KLHDC10: variants seen among roughly 807,000 people sequenced by gnomAD.
The protein encoded by KLHDC10 is kelch domain-containing protein 10.
A neutral mutation model predicts 56.1 loss-of-function variants in KLHDC10; 24 were observed. The observed-to-expected ratio is 0.43, with a 90% CI of 0.31 to 0.60. The LOEUF (loss-of-function observed/expected upper bound fraction) is 0.60, where lower values mean the gene tolerates loss of function less well. Among genes scored for constraint, KLHDC10 ranks in the 20% least tolerant of loss-of-function variants. The probability of loss-of-function intolerance (pLI) is 0.11; values close to 1 mark genes in which losing one functional copy is unlikely to be tolerated. For synonymous variants in KLHDC10, 188 were observed against 207.1 expected (o/e 0.91, Z 0.79); for missense variants, 349 against 567.0 (o/e 0.62, Z 3.91).
intron 1 of KLHDC10, among the ~76,000 whole-genome samples, chr7:130,073,260 G>A (rs1795447186): frequency 6.7e-6 from 1 of 149,774 alleles, no homozygotes; most frequent in African/African-American, 2.5e-5. Context: ...ATAGCTCACT[G>A]TCTCTCTCTT....
intron 1 of KLHDC10, among the ~76,000 whole-genome samples, chr7:130,073,355 G>A (rs1225416850): frequency 6.7e-6 from 1 of 148,612 alleles, no homozygotes; most frequent in African/African-American, 2.5e-5. Context: ...GAGTGCAGTG[G>A]CACAGTCTTG....
intron 2 of KLHDC10, among the ~76,000 whole-genome samples, chr7:130,101,981 A>G (rs1003923549): frequency 6.6e-6 from 1 of 150,508 alleles, no homozygotes; most frequent in African/African-American, 2.4e-5. Context: ...AAAAAAAAAA[A>G]AAAAAAAAAA....
At chr7:130,075,107 T>C (rs1465369982) in intron 1 of KLHDC10, among the ~76,000 whole-genome samples, 1 of 152,218 alleles carries the variant, frequency 6.6e-6, no homozygotes, top group Non-Finnish European at 1.5e-5. Flanking sequence ...TCATAATTTC[T>C]ATACACCCAG....
At chr7:130,076,697 A>G (rs1444539355) in intron 1 of KLHDC10, among the ~76,000 whole-genome samples, 1 of 152,224 alleles carries the variant, frequency 6.6e-6, no homozygotes, top group Non-Finnish European at 1.5e-5. Flanking sequence ...CAGTTATGGC[A>G]GTGTCCTTCA....
At chr7:130,119,386 C>T (rs1038166515) in intron 3 of KLHDC10, among the ~76,000 whole-genome samples, 2 of 151,826 alleles carry the variant, frequency 1.3e-5, no homozygotes, top group Non-Finnish European at 2.9e-5. Flanking sequence ...GTGGCACACA[C>T]CTGTAGTCCC....
At chr7:130,104,537 A>G (rs1795982650) in intron 2 of KLHDC10, among the ~76,000 whole-genome samples, 1 of 152,230 alleles carries the variant, frequency 6.6e-6, no homozygotes, top group African/African-American at 2.4e-5. Context: ...TAAGAGGCTT[A>G]AGCAGGTGTT....
Position 130,126,168 on chromosome 7 carries a change from A to C in KLHDC10, c.931+237A>C, listed in dbSNP as rs118071208. On this transcript the variant is annotated intron_variant, in intron 7 of 9. Transcript: ENST00000335420. ...CTGTGTCTACAAAAAATACAAAAAA[A>C]TTTGCTGGGCCTGGTGGTGTACACC... 6.1e-3 allele frequency among the ~76,000 whole-genome samples: 932 copies of C among 152,076 alleles called. 4 individuals carry two copies. Among genetic ancestry groups the C allele is most frequent in the Middle Eastern group, 0.024 (7 of 294 alleles).
chr7:130,113,524 G>A (rs1337761378), intron 2 of KLHDC10, among the ~76,000 whole-genome samples: 1 of 152,016 alleles, frequency 6.6e-6, no homozygotes, highest in Non-Finnish European at 1.5e-5. Context: ...GTAGAGACGG[G>A]GTTTCACCAT....
chr7:130,071,525 A>G (rs535240790), intron 1 of KLHDC10, among the ~76,000 whole-genome samples: 21 of 152,372 alleles, frequency 1.4e-4, no homozygotes, highest in Admixed American at 1.2e-3. Context: ...TTTGGTCTAC[A>G]GTGCCCTAGC....
At chr7:130,127,500 C>A (rs1210940752) in intron 8 of KLHDC10, 49 bp downstream of exon 8, 4 of 1,287,422 alleles carry the variant, frequency 3.1e-6, no homozygotes, top group African/African-American at 1.5e-5. Flanking sequence ...ATTGTATCTT[C>A]TGAAAATGTC....
In KLHDC10 at chr7:130,116,186, T is replaced by C. The variant is rs1796165217; in HGVS notation, c.254-259T>C. ...AGCCATTTTCTTGAATTTGTCATGC[T>C]TTTTACAGTTATCAAAATCTGAAGG... On this transcript the variant is annotated intron_variant, in intron 2 of 9. Coordinates refer to ENST00000335420, the MANE Select transcript of KLHDC10 (RefSeq NM_014997.4). This position sits in a 1 kb window ranked among gnomAD's most constrained non-coding sequence, Gnocchi z 4.8. Among the ~76,000 whole-genome samples, 1 of 152,206 alleles carries C rather than the reference T, an allele frequency of 6.6e-6. No individual in the cohort carries two copies. The highest frequency in any genetic ancestry group is 2.1e-4 in the South Asian group (1 of 4,830).
chr7:130,097,035 G>T (rs1027004235), intron 2 of KLHDC10, 28 bp downstream of exon 2: 1 of 1,504,322 alleles, frequency 6.6e-7, no homozygotes, highest in Non-Finnish European at 9.2e-7. Flanking sequence ...AGAGATCTGT[G>T]CTTCGTATGG....
chr7:130,085,434 A>G lies in KLHDC10; in HGVS notation c.167-11487A>G, dbSNP rs116973844. The stretch of plus-strand genomic sequence containing the variant: ...AGAAGCAAGCAAAGGTCAGTGAGGT[A>G]GGAGGAAGACCAAGACTGCTTGGTT... On this transcript the variant is annotated intron_variant, in intron 1 of 9. Transcript: ENST00000335420. Among the ~76,000 whole-genome samples, 133 of 152,176 alleles carry G rather than the reference A, an allele frequency of 8.7e-4. 3 individuals are homozygous for G. The East Asian group carries it at 0.015, about 17-fold the overall frequency.
intron 8 of KLHDC10, among the ~76,000 whole-genome samples, chr7:130,128,889 A>AAAT: frequency 0.014 from 946 of 66,856 alleles, 28 homozygotes; most frequent in East Asian, 0.039. Flanking sequence ...AAAAAAAAAA[A>AAAT]ATATATATAT....
intron 1 of KLHDC10, among the ~76,000 whole-genome samples, chr7:130,092,266 A>G (rs1795785294): frequency 2.0e-5 from 3 of 152,168 alleles, no homozygotes. Flanking sequence ...GCTTTTTTCC[A>G]TCTGAAGTAT....
At position 130,126,637 on chromosome 7, in the gene KLHDC10, C is replaced by T. The variant is rs575433887; in HGVS notation, c.931+706C>T. Among the ~76,000 whole-genome samples, 13 of 151,944 alleles carry T rather than the reference C, an allele frequency of 8.6e-5. No individual in the cohort carries two copies. The South Asian group carries it at 1.5e-3, about 17-fold the overall frequency. On this transcript the variant is annotated intron_variant, in intron 7 of 9. Coordinates refer to ENST00000335420, the MANE Select transcript of KLHDC10 (RefSeq NM_014997.4). The stretch of plus-strand genomic sequence containing the variant: ...ATTGCAGTGAGCCAAGATCACGCCA[C>T]GGCACTCCAACCTGGGAGACAGAGC...
chr7:130,079,703 T>TTGCC (rs201223332), intron 1 of KLHDC10, among the ~76,000 whole-genome samples: 1 of 145,428 alleles, frequency 6.9e-6, no homozygotes, highest in African/African-American at 2.5e-5. Context: ...ATTTCAAAGC[T>TTGCC]TGCCTGCCTG....
At chr7:130,121,990 T>C in intron 4 of KLHDC10, 64 bp from the exon 5 acceptor site, 1 of 1,435,114 alleles carries the variant, frequency 7.0e-7, no homozygotes, top group Admixed American at 2.2e-5. Context: ...AGGTATCTGG[T>C]AAGTTTACAT....
At chr7:130,126,192 C>G (rs1563106987) in intron 7 of KLHDC10, among the ~76,000 whole-genome samples, 1 of 152,106 alleles carries the variant, frequency 6.6e-6, no homozygotes, top group Admixed American at 6.5e-5. Context: ...GTGGTGTACA[C>G]CTGTAGTCCC....
Sources: allele counts gnomAD v4.1 joint callset (sites outside exome capture counted in the v4.1 genomes callset), GRCh38; gene constraint gnomAD v4.1.1; non-coding constraint Gnocchi (gnomAD v3.1); transcripts MANE v1.5; gene names NCBI Gene and HGNC (gene_info 2026-07-23, HGNC 2026-07-21).